Variants in EXOC4 observed in about 807,000 individuals in gnomAD.
EXOC4 encodes exocyst complex component 4, also known as SEC8-like 1.
Under a neutral mutation model 107.2 loss-of-function variants are expected in EXOC4, and 71 were observed. That is an observed-to-expected ratio of 0.66 (90% confidence interval 0.55 to 0.81). The LOEUF is 0.81. Among genes scored for constraint, EXOC4 ranks in the 30% least tolerant of loss-of-function variants. The probability of loss-of-function intolerance (pLI) is 0.00; values close to 1 mark genes in which losing one functional copy is unlikely to be tolerated. For synonymous variants in EXOC4, 456 were observed against 441.2 expected (o/e 1.03, Z -0.42); for missense variants, 1,108 against 1,189.6 (o/e 0.93, Z 1.01).
chr7:133,968,974 C>T (rs956999829), intron 14 of EXOC4, among the ~76,000 whole-genome samples: 2 of 152,166 alleles, frequency 1.3e-5, no homozygotes, highest in Non-Finnish European at 2.9e-5. Flanking sequence ...CTTTCAGGTA[C>T]ACCAGTCAAA....
intron 5 of EXOC4, among the ~76,000 whole-genome samples, chr7:133,355,850 A>C (rs952034943): frequency 6.6e-6 from 1 of 152,112 alleles, no homozygotes; most frequent in Non-Finnish European, 1.5e-5. Context: ...TCTTTTTAAA[A>C]AATTTATTAT....
intron 11 of EXOC4, among the ~76,000 whole-genome samples, chr7:133,847,110 A>G (rs1372167683): frequency 6.6e-6 from 1 of 152,312 alleles, no homozygotes; most frequent in Non-Finnish European, 1.5e-5. Flanking sequence ...GGTAGTTAGC[A>G]TACCCATCAC....
chr7:133,307,683 C>T (rs758218363), intron 4 of EXOC4, among the ~76,000 whole-genome samples: 4 of 152,164 alleles, frequency 2.6e-5, no homozygotes, highest in Admixed American at 2.0e-4. Context: ...GTATTTCCTA[C>T]GCTTTTTGTT....
At chr7:133,563,438 T>C (rs187305024) in intron 9 of EXOC4, among the ~76,000 whole-genome samples, 30 of 152,358 alleles carry the variant, frequency 2.0e-4, no homozygotes, top group Non-Finnish European at 1.9e-4. Context: ...CCATCTTACA[T>C]GTCACTTTAT....
chr7:133,954,299 T>C (rs1292838023), intron 14 of EXOC4, among the ~76,000 whole-genome samples: 2 of 152,202 alleles, frequency 1.3e-5, no homozygotes, highest in African/African-American at 2.4e-5. Flanking sequence ...TCAAGGATAT[T>C]ATTTGGAATA....
intron 5 of EXOC4, among the ~76,000 whole-genome samples, chr7:133,324,781 T>C (rs371155005): frequency 2.0e-5 from 3 of 152,106 alleles, no homozygotes; most frequent in African/African-American, 4.8e-5. Context: ...CTTTCTGTCT[T>C]GTTGATCTGT....
intron 10 of EXOC4, among the ~76,000 whole-genome samples, chr7:133,738,894 C>T (rs1228674960): frequency 1.3e-5 from 2 of 152,056 alleles, no homozygotes; most frequent in Non-Finnish European, 2.9e-5. Context: ...GATTAGTCTT[C>T]CTTTTTATAT....
intron 17 of EXOC4, among the ~76,000 whole-genome samples, chr7:134,037,615 C>T (rs1233813680): frequency 1.3e-5 from 2 of 152,076 alleles, no homozygotes; most frequent in Non-Finnish European, 2.9e-5. Context: ...GTACCCGTGG[C>T]TTTATAAACA....
At chr7:133,556,481 G>T (rs556490408) in intron 9 of EXOC4, among the ~76,000 whole-genome samples, 197 of 152,104 alleles carry the variant, frequency 1.3e-3, no homozygotes, top group African/African-American at 4.4e-3. Flanking sequence ...CTACATCCCT[G>T]CCAAATTCAT....
the EXOC4 span, among the ~76,000 whole-genome samples, chr7:134,084,727 A>AAAAAG: frequency 6.9e-6 from 1 of 145,112 alleles, no homozygotes. Context: ...AAAAAAAAAA[A>AAAAAG]AAATTCACCA....
intron 4 of EXOC4, among the ~76,000 whole-genome samples, chr7:133,311,382 G>T (rs550356789): frequency 2.0e-5 from 3 of 152,230 alleles, no homozygotes; most frequent in Non-Finnish European, 4.4e-5. Flanking sequence ...ACAAAATAGA[G>T]TTGAGAAATA....
At chr7:134,057,978 A>C (rs1795970135) in intron 17 of EXOC4, among the ~76,000 whole-genome samples, 1 of 152,156 alleles carries the variant, frequency 6.6e-6, no homozygotes, top group Non-Finnish European at 1.5e-5. Flanking sequence ...TTACCTCACT[A>C]AGTTGTTCTG....
intron 7 of EXOC4, among the ~76,000 whole-genome samples, chr7:133,425,513 C>A (rs1797704576): frequency 6.6e-6 from 1 of 152,056 alleles, no homozygotes; most frequent in African/African-American, 2.4e-5. Flanking sequence ...TCTCGAACTC[C>A]TAAGCTCAGG....
At chr7:133,451,950 T>G (rs938508533) in intron 7 of EXOC4, among the ~76,000 whole-genome samples, 2 of 152,220 alleles carry the variant, frequency 1.3e-5, no homozygotes, top group African/African-American at 4.8e-5. Flanking sequence ...AAAAAAAATA[T>G]TTTAATTGTA....
intron 13 of EXOC4, among the ~76,000 whole-genome samples, chr7:133,922,027 AT>A (rs1799948104): frequency 6.6e-6 from 1 of 151,984 alleles, no homozygotes; most frequent in African/African-American, 2.4e-5. Context: ...GGCATTCTTC[AT>A]TTTTGTTACA....
chr7:133,572,521 T>TA (rs201235662), intron 9 of EXOC4, among the ~76,000 whole-genome samples: 29 of 152,258 alleles, frequency 1.9e-4, no homozygotes, highest in Non-Finnish European at 2.6e-4. Flanking sequence ...TTGAACAATA[T>TA]AATTTTTTTT....
chr7:133,887,796 T>A (rs181735296), intron 11 of EXOC4, among the ~76,000 whole-genome samples: 2 of 152,154 alleles, frequency 1.3e-5, no homozygotes, highest in African/African-American at 4.8e-5. Flanking sequence ...GTCTCCTTTA[T>A]TAATTGCTGC....
chr7:133,853,453 A>G (rs1156266565), intron 11 of EXOC4, among the ~76,000 whole-genome samples: 1 of 150,948 alleles, frequency 6.6e-6, no homozygotes, highest in Non-Finnish European at 1.5e-5. Context: ...CTGGTCTTGA[A>G]CTTGTAGGCT....
intron 2 of EXOC4, among the ~76,000 whole-genome samples, chr7:133,278,088 A>C (rs749126656): frequency 1.3e-5 from 2 of 152,130 alleles, no homozygotes; most frequent in East Asian, 3.9e-4. Flanking sequence ...AGTGCCCGCT[A>C]TGTTGCTGAT....
Sources: gnomAD v4.1 joint callset for allele counts (sites outside exome capture counted in the v4.1 genomes callset) on GRCh38, gnomAD v4.1.1 for gene constraint, MANE v1.5 for transcripts, NCBI Gene and HGNC (gene_info 2026-07-23, HGNC 2026-07-21) for gene names.